MYO9A: variants seen among roughly 807,000 people sequenced by gnomAD.
The protein encoded by MYO9A is myosin IXA, also known as unconventional myosin-IXa.
Under a neutral mutation model 293.3 loss-of-function variants are expected in MYO9A, and 103 were observed. That is an observed-to-expected ratio of 0.35 (90% confidence interval 0.30 to 0.41). The LOEUF (loss-of-function observed/expected upper bound fraction) is 0.41. Ranked by LOEUF, MYO9A falls within the 10% of genes least tolerant of loss-of-function variation. MYO9A has a pLI of 1.00. For synonymous variants in MYO9A, 1,001 were observed against 1,035.7 expected, an observed-to-expected ratio of 0.97 and a Z score of 0.64; for missense variants, 2,685 against 3,033.0, an observed-to-expected ratio of 0.89 and a Z score of 2.69.
chr15:71,878,135 C>G lies in MYO9A; in HGVS notation c.5836G>C (p.Gly1946Arg), dbSNP rs1461572922. The G allele has an allele frequency of 6.2e-7, 1 of 1,612,068 alleles. No individual in the cohort carries two copies. The highest frequency in any genetic ancestry group is 8.5e-7 in the Non-Finnish European group (1 of 1,178,700). Reference protein sequence around the residue: ...TMRLEQRDSLGESPVRVWVNT... With the variant: ...TMRLEQRDSLRESPVRVWVNT... ...ACCCAAACTCTCACTGGAGATTCACCCAGTGAATCACGCTGCTCAAGCCTC... is the reference window on the plus strand; with the variant it reads ...ACCCAAACTCTCACTGGAGATTCACGCAGTGAATCACGCTGCTCAAGCCTC... Residue 1946 changes from glycine (G) to arginine (R), a missense_variant, in exon 31 of 42, where the codon GGT becomes CGT. Around this residue, in one of 10 missense-constraint regions of MYO9A, gnomAD observed 1,434 missense variants for 1,497.7 expected, o/e 0.96. Coordinates refer to ENST00000356056, the MANE Select transcript of MYO9A (RefSeq NM_006901.4).
At chr15:71,916,321 A>G (rs372626231) in intron 19 of MYO9A, 49 bp downstream of exon 19, 5 of 1,585,128 alleles carry the variant, frequency 3.2e-6, no homozygotes, top group African/African-American at 2.7e-5. Context: ...TTCAATGACA[A>G]TCTGAAAGAT....
At chr15:71,843,957 A>G (rs1003034039) in intron 39 of MYO9A, among the ~76,000 whole-genome samples, 3 of 152,244 alleles carry the variant, frequency 2.0e-5, no homozygotes, top group African/African-American at 7.2e-5. Context: ...TCAAGACCCC[A>G]TAGTACTAAT....
chr15:71,868,212 T>C (rs797011333), intron 32 of MYO9A, among the ~76,000 whole-genome samples: 6 of 152,262 alleles, frequency 3.9e-5, no homozygotes, highest in African/African-American at 1.4e-4. Context: ...TGGACTGAGG[T>C]CCTATTTCCT....
At chr15:71,978,351 A>G (rs1056279475) in intron 11 of MYO9A, 59 bp from the exon 12 acceptor site, 64 of 1,431,516 alleles carry the variant, frequency 4.5e-5, no homozygotes, top group Non-Finnish European at 5.5e-5. Flanking sequence ...TAGGTATATA[A>G]TATAGATTGA....
intron 1 of MYO9A, among the ~76,000 whole-genome samples, chr15:72,054,224 T>C (rs1036255564): frequency 6.6e-6 from 1 of 152,156 alleles, no homozygotes; most frequent in Non-Finnish European, 1.5e-5. Context: ...TTCCATACTA[T>C]TATTTTAGGC....
chr15:72,007,963 AAAACAC>A lies in MYO9A; in HGVS notation c.1254-17_1254-12del. 2 of 1,606,214 alleles carry A rather than the reference AAAACAC, an allele frequency of 1.2e-6. No individual in the cohort carries two copies. Among genetic ancestry groups the A allele is most frequent in the African/African-American group, 2.7e-5 (2 of 74,654 alleles). Reference sequence around the variant, plus strand: ...AGAAGAGAGAAAATCCTGGGAAAATAAAACACAAATTATAGCTTAGTTGTGTCCATT... The same window carrying A: ...AGAAGAGAGAAAATCCTGGGAAAATAAAATTATAGCTTAGTTGTGTCCATT... On this transcript the variant is annotated splice_polypyrimidine_tract_variant and intron_variant, in intron 7 of 41. Transcript: ENST00000356056.
In MYO9A at chr15:71,826,288, G is replaced by A. The variant is rs531741092; in HGVS notation, c.*292C>T. 2 of 318,988 alleles carry A rather than the reference G, an allele frequency of 6.3e-6. No homozygotes were observed. The highest frequency in any genetic ancestry group is 2.1e-5 in the African/African-American group (1 of 46,664). The allele number at this position is 318,988 out of a possible 1,614,324, so 19.8% of individuals were successfully genotyped here. ...CCCACCTTTGGGAAGGGAAAAGAGG[G>A]TGGGGGAGAGGCAACTACAACTGAC... On this transcript the variant is annotated 3_prime_UTR_variant, in exon 42 of 42. Transcript: ENST00000356056.
At chr15:71,871,544 A>G (rs74603062) in intron 32 of MYO9A, among the ~76,000 whole-genome samples, 5,478 of 151,882 alleles carry the variant, frequency 0.036, 152 homozygotes, top group South Asian at 0.069. Context: ...AAAATACAAA[A>G]AAGTTGGCTA....
intron 11 of MYO9A, among the ~76,000 whole-genome samples, chr15:71,981,887 C>T (rs12440961): frequency 6.6e-6 from 1 of 151,166 alleles, no homozygotes; most frequent in Non-Finnish European, 1.5e-5. Context: ...CAAAAATCTT[C>T]TAAGAGCTAT....
chr15:71,823,522 C>T lies in MYO9A; in HGVS notation c.*3058G>A, dbSNP rs1484113184. 6.6e-6 allele frequency: 1 copy of T among 152,168 alleles called. No individual in the cohort carries two copies. The highest frequency in any genetic ancestry group is 1.9e-4 in the East Asian group (1 of 5,204). The allele number at this position is 152,168 out of a possible 1,614,324, so 9.4% of individuals were successfully genotyped here. A position where few individuals can be genotyped will look rare whatever the true frequency, so the allele number is the denominator to read the frequency against. ...GTATCTCCCTTTGTGTTTTCAGAAGCCCAGAGTGGCAAAATAATTTAAATG... is the reference window on the plus strand; with the variant it reads ...GTATCTCCCTTTGTGTTTTCAGAAGTCCAGAGTGGCAAAATAATTTAAATG... On this transcript the variant is annotated 3_prime_UTR_variant, in exon 42 of 42. Transcript: ENST00000356056.
chr15:71,893,784 A>C lies in MYO9A; in HGVS notation c.5043-6T>G. Reference sequence around the variant, plus strand: ...TTAAGGCTTCTTTGCTGACACTTTAAATAAAACAATGAAATTACATTTCAG... The same window carrying C: ...TTAAGGCTTCTTTGCTGACACTTTACATAAAACAATGAAATTACATTTCAG... On this transcript the variant is annotated splice_region_variant and splice_polypyrimidine_tract_variant and intron_variant, in intron 25 of 41. Coordinates refer to ENST00000356056, the MANE Select transcript of MYO9A (RefSeq NM_006901.4). The C allele has an allele frequency of 6.2e-7, 1 of 1,606,668 alleles. No individual in the cohort carries two copies. Among genetic ancestry groups the C allele is most frequent in the Non-Finnish European group, 8.5e-7 (1 of 1,173,718 alleles).
At chr15:72,116,294 T>C (rs1758035535) in intron 1 of MYO9A, among the ~76,000 whole-genome samples, 2 of 152,042 alleles carry the variant, frequency 1.3e-5, no homozygotes, top group Admixed American at 1.3e-4. Context: ...TTTTTTACTG[T>C]GTGTGTGTGT....
Position 72,045,883 on chromosome 15 carries a change from A to C in MYO9A, c.681T>G (p.Leu227=), listed in dbSNP as rs752718465. The C allele has an allele frequency of 5.6e-6, 9 of 1,614,144 alleles. No homozygotes were observed. In the South Asian group the frequency reaches 8.8e-5, roughly 16 times the overall value. The change falls in exon 2 of 42, where the codon CTT becomes CTG. Residue 227 remains leucine (L), a synonymous_variant. Transcript: ENST00000356056. ...CGATGCACTGATTCTTTTTGCGCTGAAGCATGGCATGATAAGCTACATCAG... is the reference window on the plus strand; with the variant it reads ...CGATGCACTGATTCTTTTTGCGCTGCAGCATGGCATGATAAGCTACATCAG... The part of the protein sequence containing the change: ...AVADVAYHAM[L]QRKKNQCIVI...
intron 32 of MYO9A, among the ~76,000 whole-genome samples, chr15:71,863,468 A>T (rs991283542): frequency 3.3e-5 from 5 of 152,114 alleles, no homozygotes; most frequent in Admixed American, 3.3e-4. Flanking sequence ...GCAAAAAAAA[A>T]TAGTGGCAAA....
At chr15:71,830,463 A>G (rs2054677308) in intron 39 of MYO9A, 152 bp from the exon 40 acceptor site, 1 of 742,918 alleles carries the variant, frequency 1.3e-6, no homozygotes, top group Admixed American at 2.8e-5. Context: ...TTAGTGAGAC[A>G]TATTCATACA....
chr15:72,042,895 G>A lies in MYO9A; in HGVS notation c.840+2829C>T, dbSNP rs1036093012. On this transcript the variant is annotated intron_variant, in intron 2 of 41. Coordinates refer to ENST00000356056, the MANE Select transcript of MYO9A (RefSeq NM_006901.4). The stretch of plus-strand genomic sequence containing the variant: ...CGCCTAGGCAACATAGTGAGACCTC[G>A]TCTCTACTAAAAATTAAAAAAAAAC... Among the ~76,000 whole-genome samples, 15 of 151,600 alleles carry A rather than the reference G, an allele frequency of 9.9e-5. 1 individual carries two copies. The highest frequency in any genetic ancestry group is 7.2e-4 in the Admixed American group (11 of 15,204).
chr15:72,117,213 G>A (rs1409917617), intron 1 of MYO9A: 3 of 152,288 alleles, frequency 2.0e-5, no homozygotes, highest in Non-Finnish European at 4.4e-5. Flanking sequence ...GATGGCTAGG[G>A]TTAGTGCTAG....
intron 6 of MYO9A, among the ~76,000 whole-genome samples, chr15:72,013,901 G>T (rs1288472764): frequency 6.6e-6 from 1 of 152,130 alleles, no homozygotes; most frequent in African/African-American, 2.4e-5. Context: ...CCGCCTCCTG[G>T]GCTCAAGTGG....
chr15:71,862,003 T>G (rs2056153715), intron 33 of MYO9A, among the ~76,000 whole-genome samples: 1 of 152,232 alleles, frequency 6.6e-6, no homozygotes, highest in Non-Finnish European at 1.5e-5. Context: ...TGGTGGCACA[T>G]GCCTGTAATC....
Sources: allele counts gnomAD v4.1 joint callset (sites outside exome capture counted in the v4.1 genomes callset), GRCh38; gene constraint gnomAD v4.1.1; regional missense constraint gnomAD v4.1.1; transcripts MANE v1.5; gene names NCBI Gene and HGNC (gene_info 2026-07-23, HGNC 2026-07-21).